The following ZFHX3 variants were observed in gnomAD, a reference collection of about 807,000 sequenced individuals.
ZFHX3 encodes the protein zinc finger homeobox 3, also known as zinc finger homeobox protein 3.
ZFHX3 carries 42 observed loss-of-function variants against 279.1 expected under a neutral mutation model. The observed-to-expected ratio is 0.15, with a 90% confidence interval of 0.12 to 0.19. The LOEUF (loss-of-function observed/expected upper bound fraction) is 0.19, where lower values mean the gene tolerates loss of function less well. ZFHX3 is among the 10% of genes least tolerant of loss of function. ZFHX3 has a pLI of 1.00. For missense variants in ZFHX3, 4,981 were observed against 4,754.0 expected (o/e 1.05, Z -1.40); for synonymous variants, 2,293 against 1,957.8 (o/e 1.17, Z -4.52).
At chr16:73,420,171 G>T (rs749488285) in intron 3 of ZFHX3, 1 of 152,142 alleles carries the variant, frequency 6.6e-6, no homozygotes, top group African/African-American at 2.4e-5. Flanking sequence ...ACCTCCTAAA[G>T]TGCTGACATT....
chr16:73,881,333 A>T (rs2030142808), intron 1 of ZFHX3, among the ~76,000 whole-genome samples: 1 of 152,144 alleles, frequency 6.6e-6, no homozygotes, highest in Non-Finnish European at 1.5e-5. Flanking sequence ...ATGTTTCTGC[A>T]TCAGGTTTAC....
chr16:72,822,802 T>TTG (rs938456535), intron 5 of ZFHX3, among the ~76,000 whole-genome samples: 2 of 150,102 alleles, frequency 1.3e-5, no homozygotes, highest in African/African-American at 4.9e-5. Flanking sequence ...TGAGTTTTTT[T>TTG]TTTTTTTTTT....
chr16:73,428,779 G>A (rs2017857900), intron 3 of ZFHX3, among the ~76,000 whole-genome samples: 2 of 152,136 alleles, frequency 1.3e-5, no homozygotes, highest in South Asian at 4.1e-4. Context: ...ACCTGCTCAG[G>A]AGTTGAATCC....
chr16:73,193,513 C>T (rs1157984853), intron 5 of ZFHX3, among the ~76,000 whole-genome samples: 3 of 152,092 alleles, frequency 2.0e-5, no homozygotes, highest in Admixed American at 6.5e-5. Flanking sequence ...CTGGGATCCC[C>T]CTGAATTTCC....
At chr16:73,139,319 C>T (rs1284430231) in intron 6 of ZFHX3, among the ~76,000 whole-genome samples, 1 of 152,056 alleles carries the variant, frequency 6.6e-6, no homozygotes. Flanking sequence ...TACTATGATA[C>T]CACTGGCACG....
At chr16:73,213,909 G>T (rs2012106698) in intron 5 of ZFHX3, among the ~76,000 whole-genome samples, 1 of 152,192 alleles carries the variant, frequency 6.6e-6, no homozygotes, top group African/African-American at 2.4e-5. Context: ...TTTGGTCTTT[G>T]TTCCCCGCTC....
chr16:73,452,604 G>A (rs1170035410), intron 3 of ZFHX3, among the ~76,000 whole-genome samples: 1 of 152,162 alleles, frequency 6.6e-6, no homozygotes, highest in Non-Finnish European at 1.5e-5. Flanking sequence ...TGATAGGTAA[G>A]AATTTCTTGC....
Position 73,668,156 on chromosome 16 carries a change from G to A in ZFHX3, c.-1547+12024C>T, listed in dbSNP as rs564851212. Among the ~76,000 whole-genome samples, 22 of 152,082 alleles carry A rather than the reference G, an allele frequency of 1.4e-4. No homozygotes were observed. In the South Asian group the frequency reaches 3.5e-3, roughly 24 times the overall value. On this transcript the variant is annotated intron_variant, in intron 2 of 17. Transcript: ENST00000641206. ...ATCTATGTGTGCCAGACTATTTTTC[G>A]GCACAAGTGTCTATCATGGTCAAGA...
chr16:73,784,982 C>G (rs1014626634), intron 1 of ZFHX3, among the ~76,000 whole-genome samples: 1 of 151,794 alleles, frequency 6.6e-6, no homozygotes, highest in Non-Finnish European at 1.5e-5. Flanking sequence ...GTATTTGCCT[C>G]CATGTTTCTA....
chr16:73,019,212 A>G (rs914498330), intron 1 of ZFHX3, among the ~76,000 whole-genome samples: 72 of 152,156 alleles, frequency 4.7e-4, no homozygotes, highest in Non-Finnish European at 1.3e-4. Flanking sequence ...TGCTGTTGAA[A>G]CTGCCAGCTG....
chr16:73,374,754 G>A (rs2016692688), intron 3 of ZFHX3, among the ~76,000 whole-genome samples: 1 of 152,182 alleles, frequency 6.6e-6, no homozygotes, highest in Admixed American at 6.5e-5. Context: ...TGTTGTTGAA[G>A]AAACTGGGTC....
At chr16:73,533,225 T>G (rs1385942860) in intron 2 of ZFHX3, among the ~76,000 whole-genome samples, 1 of 151,936 alleles carries the variant, frequency 6.6e-6, no homozygotes, top group Non-Finnish European at 1.5e-5. Context: ...TGCGGAGGGC[T>G]TGGCTTCCTA....
intron 1 of ZFHX3, among the ~76,000 whole-genome samples, chr16:73,753,341 T>G (rs1055909795): frequency 6.6e-6 from 1 of 152,108 alleles, no homozygotes; most frequent in Admixed American, 6.6e-5. Context: ...CATTGCTCAC[T>G]TGCATGAGAC....
At chr16:73,122,544 G>A (rs1245202590) in intron 7 of ZFHX3, among the ~76,000 whole-genome samples, 4 of 152,016 alleles carry the variant, frequency 2.6e-5, no homozygotes, top group South Asian at 2.1e-4. Flanking sequence ...TCTGTCTTGC[G>A]GCTTCCTGGA....
rs371006217 is a variant in ZFHX3 at position 73,266,222 on chromosome 16, T to C, written c.-1193-9086A>G. Among the ~76,000 whole-genome samples, 37 of 152,342 alleles carry C rather than the reference T, an allele frequency of 2.4e-4. No individual in the cohort carries two copies. In the East Asian group the frequency reaches 3.3e-3, roughly 13 times the overall value. ...AGTGGGCAGTTGCGACTGGGTTCTT[T>C]TCTCAATTCTAGTATTTTTATAAAC... On this transcript the variant is annotated intron_variant, in intron 4 of 17. Coordinates refer to the ZFHX3 transcript ENST00000641206.
intron 2 of ZFHX3, among the ~76,000 whole-genome samples, chr16:73,529,952 G>A (rs375492059): frequency 2.1e-5 from 3 of 145,190 alleles, no homozygotes; most frequent in Non-Finnish European, 4.6e-5. Context: ...TGTGTGTGTT[G>A]GGGTGGAACC....
At chr16:72,859,246 G>A (rs2037824113) in intron 4 of ZFHX3, among the ~76,000 whole-genome samples, 2 of 152,188 alleles carry the variant, frequency 1.3e-5, no homozygotes, top group Admixed American at 1.3e-4. Flanking sequence ...TAAACAAACT[G>A]TTGGGCCAAT....
intron 1 of ZFHX3, among the ~76,000 whole-genome samples, chr16:73,711,578 G>C (rs140817944): frequency 6.6e-6 from 1 of 152,028 alleles, no homozygotes; most frequent in African/African-American, 2.4e-5. Flanking sequence ...TCTGAAGTGG[G>C]GGTGCAGATA....
At chr16:72,848,235 C>T (rs917741611) in intron 4 of ZFHX3, among the ~76,000 whole-genome samples, 45 of 152,016 alleles carry the variant, frequency 3.0e-4, no homozygotes, top group Non-Finnish European at 1.8e-4. Flanking sequence ...CTGTTCCCTG[C>T]GCTAAGCAGT....
Sources: gnomAD v4.1 joint callset for allele counts (sites outside exome capture counted in the v4.1 genomes callset) on GRCh38, gnomAD v4.1.1 for gene constraint, MANE v1.5 for transcripts, NCBI Gene and HGNC (gene_info 2026-07-23, HGNC 2026-07-21) for gene names.